Variants in FREM1 observed in about 807,000 individuals in gnomAD.
FREM1 encodes the protein FRAS1-related extracellular matrix protein 1.
Under a neutral mutation model 210.1 loss-of-function variants are expected in FREM1, and 220 were observed. The observed-to-expected ratio is 1.05, with a 90% CI of 0.94 to 1.17. FREM1 has a LOEUF of 1.17. Among genes scored for constraint, FREM1 ranks in the 50% most tolerant of loss-of-function variants. The pLI is 0.00. For missense variants in FREM1, 3,454 were observed against 2,675.5 expected, an observed-to-expected ratio of 1.29 and a Z score of -6.42; for synonymous variants, 1,189 against 980.2, an observed-to-expected ratio of 1.21 and a Z score of -3.98.
Position 14,792,882 on chromosome 9 carries a change from T to G in FREM1, c.3842A>C (p.Lys1281Thr), listed in dbSNP as rs777511252. 6.4e-7 allele frequency: 1 copy of G among 1,567,324 alleles called. No individual in the cohort carries two copies. Among genetic ancestry groups the G allele is most frequent in the Non-Finnish European group, 8.7e-7 (1 of 1,155,988 alleles). ...VNDEKPMLSKKAEIAMNMGET... is the reference protein window; with the variant it reads ...VNDEKPMLSKTAEIAMNMGET... ...ACCCATATTCATTGCAATTTCAGCC[T>G]TCCTGTAAAAAGAAAAATGTCTGGG... The change falls in exon 22 of 37, where the codon AAG (lysine) becomes ACG (threonine). Residue 1281 changes from lysine (K) to threonine (T), a missense_variant and splice_region_variant. Transcript: ENST00000380880.
At chr9:14,766,820 C>A (rs527372895) in intron 27 of FREM1, among the ~76,000 whole-genome samples, 2 of 152,312 alleles carry the variant, frequency 1.3e-5, no homozygotes, top group African/African-American at 2.4e-5. Context: ...CAAAGTTCCA[C>A]AGCGTTTAGC....
chr9:14,848,810 A>G (rs1421631068), intron 6 of FREM1, 37 bp from the exon 7 acceptor site: 1 of 1,266,040 alleles, frequency 7.9e-7, no homozygotes, highest in Admixed American at 1.7e-5. Context: ...CACACACTGA[A>G]GCGTTACAGG....
intron 10 of FREM1, among the ~76,000 whole-genome samples, chr9:14,830,347 G>C (rs1359895085): frequency 6.6e-6 from 1 of 152,154 alleles, no homozygotes; most frequent in African/African-American, 2.4e-5. Context: ...GCAGGCTGGA[G>C]GGACACGGGG....
At chr9:14,740,052 T>A in intron 36 of FREM1, 97 bp downstream of exon 36, 1 of 672,922 alleles carries the variant, frequency 1.5e-6, no homozygotes, top group Non-Finnish European at 2.5e-6. Context: ...TAAACCACTA[T>A]CATTTAACCC....
At chr9:14,879,812 C>T (rs1834463825) in intron 1 of FREM1, among the ~76,000 whole-genome samples, 1 of 152,082 alleles carries the variant, frequency 6.6e-6, no homozygotes, top group Admixed American at 6.5e-5. Context: ...GTTGTATTAA[C>T]ATGTAATTAA....
chr9:14,886,914 A>G (rs930771549), intron 1 of FREM1, among the ~76,000 whole-genome samples: 1 of 145,920 alleles, frequency 6.9e-6, no homozygotes, highest in Non-Finnish European at 1.5e-5. Context: ...AAAAAAAAAA[A>G]AAAAAGAAGC....
In FREM1 at chr9:14,756,419, T is replaced by C. The variant is rs201312740; in HGVS notation, c.5362A>G (p.Lys1788Glu). 5.0e-5 allele frequency: 80 copies of C among 1,601,652 alleles called. No homozygotes were observed. The highest frequency in any genetic ancestry group is 6.7e-5 in the Non-Finnish European group (79 of 1,173,782). Reference sequence around the variant, plus strand: ...TTAGATGGAATCACGGTGAAATCTTTTCCAACTGCAGCTGACACTTGGTTG... The same window carrying C: ...TTAGATGGAATCACGGTGAAATCTTCTCCAACTGCAGCTGACACTTGGTTG... ...KVNQVSAAVGKDFTVIPSKLI... is the reference protein window; with the variant it reads ...KVNQVSAAVGEDFTVIPSKLI... The change falls in exon 29 of 37, where the codon AAA (lysine) becomes GAA (glutamate). Residue 1788 changes from lysine (K) to glutamate (E), a missense_variant. By Grantham distance (56) the Lys-to-Glu change is moderately conservative (BLOSUM62 1). Coordinates refer to ENST00000380880, the MANE Select transcript of FREM1 (RefSeq NM_001379081.2).
At chr9:14,860,307 A>G (rs1829570611) in intron 3 of FREM1, among the ~76,000 whole-genome samples, 1 of 151,846 alleles carries the variant, frequency 6.6e-6, no homozygotes, top group Non-Finnish European at 1.5e-5. Context: ...AGGGGAACAA[A>G]CATGCTCCCT....
intron 1 of FREM1, among the ~76,000 whole-genome samples, chr9:14,909,448 A>C (rs537782216): frequency 3.3e-5 from 5 of 152,320 alleles, no homozygotes; most frequent in African/African-American, 1.2e-4. Context: ...GTTTTTGAAA[A>C]TATGTCTCCA....
chr9:14,835,699 T>A (rs1395725025), intron 10 of FREM1, among the ~76,000 whole-genome samples: 1 of 152,232 alleles, frequency 6.6e-6, no homozygotes, highest in African/African-American at 2.4e-5. Context: ...AAATTCCTTG[T>A]GAAACAGCGT....
intron 29 of FREM1, among the ~76,000 whole-genome samples, chr9:14,755,888 A>T (rs1425054876): frequency 6.6e-6 from 1 of 152,196 alleles, no homozygotes; most frequent in African/African-American, 2.4e-5. Context: ...TTTTTCCACA[A>T]ATTTAAAACA....
At chr9:14,834,234 G>C (rs1441412651) in intron 10 of FREM1, among the ~76,000 whole-genome samples, 1 of 152,172 alleles carries the variant, frequency 6.6e-6, no homozygotes, top group African/African-American at 2.4e-5. Context: ...ACTCCCATCA[G>C]GGATGGGCTG....
Position 14,819,293 on chromosome 9 carries a change from T to C in FREM1, c.2487A>G (p.Gly829=). The C allele has an allele frequency of 6.2e-7, 1 of 1,613,892 alleles. No homozygotes were observed. Among genetic ancestry groups the C allele is most frequent in the Non-Finnish European group, 8.5e-7 (1 of 1,179,858 alleles). The part of the protein sequence containing the change: ...LPLHGRVELN[G]FPLNSGGTFS... ...ATGTGCCCCCTGAATTTAGAGGAAA[T>C]CCATTCAGCTCCACCCTTCCGTGCA... Residue 829 remains glycine, a synonymous_variant, in exon 14 of 37, where the codon GGA becomes GGG. Coordinates refer to ENST00000380880, the MANE Select transcript of FREM1 (RefSeq NM_001379081.2).
In FREM1 at chr9:14,885,069, T is replaced by C. The variant is rs1055540961; in HGVS notation, c.-267-15825A>G. Among the ~76,000 whole-genome samples the C allele has an allele frequency of 1.0e-4, 15 of 146,764 alleles. 2 individuals carry two copies. The highest frequency in any genetic ancestry group is 4.2e-4 in the East Asian group (2 of 4,808). The stretch of plus-strand genomic sequence containing the variant: ...CCCCCCGAGTGGCTGGGACTACAGC[T>C]GCCCGCCACCGCGCCCGGCTAATTT... On this transcript the variant is annotated intron_variant, in intron 1 of 36. Transcript: ENST00000380880.
intron 36 of FREM1, among the ~76,000 whole-genome samples, chr9:14,738,571 AG>A (rs1840832926): frequency 6.9e-6 from 1 of 145,452 alleles, no homozygotes; most frequent in Non-Finnish European, 1.5e-5. Flanking sequence ...TTCAGAATTT[AG>A]GGACCCACTG....
At chr9:14,846,248 C>G (rs1046875148) in intron 7 of FREM1, among the ~76,000 whole-genome samples, 157 bp from the exon 8 acceptor site, 2 of 152,162 alleles carry the variant, frequency 1.3e-5, no homozygotes, top group African/African-American at 4.8e-5. Context: ...CCTCAGCAAA[C>G]TAACACAGGA....
Position 14,836,068 on chromosome 9 carries a change from G to A in FREM1, c.1881+5379C>T, listed in dbSNP as rs1396984320. Among the ~76,000 whole-genome samples, 2 of 152,144 alleles carry A rather than the reference G, an allele frequency of 1.3e-5. No individual in the cohort carries two copies. The highest frequency in any genetic ancestry group is 2.9e-5 in the Non-Finnish European group (2 of 68,030). Reference sequence around the variant, plus strand: ...CTGCCGGGTAATGAAAAGTGAGTAAGGTGCCCATAACTCTGAGCTTTCTTT... The same window carrying A: ...CTGCCGGGTAATGAAAAGTGAGTAAAGTGCCCATAACTCTGAGCTTTCTTT... On this transcript the variant is annotated intron_variant, in intron 10 of 36. Coordinates refer to ENST00000380880, the MANE Select transcript of FREM1 (RefSeq NM_001379081.2). This position sits in a 1 kb window ranked among gnomAD's most constrained non-coding sequence, Gnocchi z 4.9.
intron 22 of FREM1, among the ~76,000 whole-genome samples, chr9:14,789,793 G>A (rs1450776964): frequency 6.6e-6 from 1 of 152,192 alleles, no homozygotes; most frequent in Non-Finnish European, 1.5e-5. Flanking sequence ...TGCAGAAATT[G>A]TGGCATTTTG....
chr9:14,839,452 T>C (rs925196312), intron 10 of FREM1, among the ~76,000 whole-genome samples: 3 of 151,050 alleles, frequency 2.0e-5, no homozygotes, highest in African/African-American at 7.3e-5. Context: ...CAAAGATATA[T>C]GGTAATGAAG....
Sources: gnomAD v4.1 joint callset for allele counts (sites outside exome capture counted in the v4.1 genomes callset) on GRCh38, gnomAD v4.1.1 for gene constraint, Gnocchi (gnomAD v3.1) non-coding constraint, MANE v1.5 for transcripts, NCBI Gene and HGNC (gene_info 2026-07-23, HGNC 2026-07-21) for gene names.